SCML2: variants seen among roughly 807,000 people sequenced by gnomAD.
SCML2 encodes the protein Scm polycomb group protein like 2, also known as sex comb on midleg-like protein 2.
In SCML2, 6 loss-of-function variants were observed where a neutral mutation model predicts 48.4. That is an observed-to-expected ratio of 0.12 (90% CI 0.07 to 0.24). SCML2 has a LOEUF of 0.24. Among genes scored for constraint, SCML2 ranks in the 10% least tolerant of loss-of-function variants. The pLI, the probability that SCML2 is intolerant of heterozygous loss-of-function variation, is 1.00. For synonymous variants in SCML2, 181 were observed against 189.5 expected, an observed-to-expected ratio of 0.95 and a Z score of 0.37; for missense variants, 377 against 528.2, an observed-to-expected ratio of 0.71 and a Z score of 2.81.
chrX:18,315,991 A>C (rs1258668361), intron 6 of SCML2, among the ~76,000 whole-genome samples: 1 of 111,397 alleles, frequency 9.0e-6, no homozygotes, highest in South Asian at 3.8e-4. Context: ...AAACAGGACA[A>C]ATAAATAATT....
At chrX:18,323,143 T>C (rs1041517497) in intron 5 of SCML2, among the ~76,000 whole-genome samples, 1 of 111,656 alleles carries the variant, frequency 9.0e-6, no homozygotes, top group Non-Finnish European at 1.9e-5. Flanking sequence ...TGCCCACCAT[T>C]CACTCAAAGT....
At chrX:18,308,294 G>A (rs144575980) in intron 6 of SCML2, among the ~76,000 whole-genome samples, 2 of 88,078 alleles carry the variant, frequency 2.3e-5, no homozygotes, top group Admixed American at 1.4e-4. Context: ...AGGAAGGAAG[G>A]AAGGGAGGAA....
intron 4 of SCML2, 65 bp from the exon 5 acceptor site, chrX:18,324,158 T>C: frequency 2.9e-6 from 2 of 681,266 alleles, no homozygotes; most frequent in Non-Finnish European, 2.3e-6. Context: ...TGGACAGCTA[T>C]GTCACCAGAA....
chrX:18,268,729 G>A (rs1423908207), intron 7 of SCML2, among the ~76,000 whole-genome samples: 1 of 107,052 alleles, frequency 9.3e-6, no homozygotes, highest in Non-Finnish European at 1.9e-5. Context: ...TAACTAACCT[G>A]CACACTGTGC....
At position 18,239,585 on chromosome X, in the gene SCML2, T is replaced by C. The variant is rs1399818717; in HGVS notation, c.*1666A>G. The C allele has an allele frequency of 8.8e-6, 1 of 113,057 alleles. No individual in the cohort carries two copies. The highest frequency in any genetic ancestry group is 3.2e-5 in the African/African-American group (1 of 31,061). 9.3% of individuals were successfully genotyped at this position (113,057 alleles called of 1,213,427 possible). On this transcript the variant is annotated 3_prime_UTR_variant, in exon 15 of 15. Transcript: ENST00000251900. ...CCCTGGTGAATATTTTATTGGCATT[T>C]ACAACAAATGGCTAATACTTTTATA...
chrX:18,282,340 G>T (rs1239489802), intron 7 of SCML2, among the ~76,000 whole-genome samples: 3 of 108,427 alleles, frequency 2.8e-5, no homozygotes, highest in Non-Finnish European at 5.8e-5. Flanking sequence ...AGAATACTAT[G>T]GACAACTCTA....
intron 6 of SCML2, among the ~76,000 whole-genome samples, chrX:18,318,494 T>C (rs1052222241): frequency 8.9e-6 from 1 of 112,896 alleles, no homozygotes; most frequent in Non-Finnish European, 1.9e-5. Context: ...TAACATACTC[T>C]TCAACATTTT....
At chrX:18,245,800 C>T (rs945971963) in intron 13 of SCML2, among the ~76,000 whole-genome samples, 4 of 111,895 alleles carry the variant, frequency 3.6e-5, no homozygotes, top group African/African-American at 1.3e-4. Flanking sequence ...AATGCAATGG[C>T]GCAATCTCGG....
intron 1 of SCML2, among the ~76,000 whole-genome samples, chrX:18,349,271 A>G (rs1426037927): frequency 8.9e-6 from 1 of 112,369 alleles, no homozygotes; most frequent in East Asian, 2.8e-4. Flanking sequence ...GCAGAGCCAT[A>G]GCCATAAACA....
At chrX:18,244,755 C>T (rs1245278088) in intron 13 of SCML2, among the ~76,000 whole-genome samples, 3 of 110,010 alleles carry the variant, frequency 2.7e-5, no homozygotes, top group African/African-American at 6.6e-5. Flanking sequence ...CCCCCCCCCT[C>T]GACATCATTG....
chrX:18,316,289 T>G lies in SCML2; in HGVS notation c.486+4043A>C, dbSNP rs1252632090. Among the ~76,000 whole-genome samples, 3 of 111,753 alleles carry G rather than the reference T, an allele frequency of 2.7e-5. No homozygotes were observed. The East Asian group carries it at 8.5e-4, about 32-fold the overall frequency. ...CTGTAATCCCAGCTACTCGGGAGGC[T>G]GAGGCACAGGAATCAGTTGAACCCG... On this transcript the variant is annotated intron_variant, in intron 6 of 14. Coordinates refer to ENST00000251900, the MANE Select transcript of SCML2 (RefSeq NM_006089.3).
rs1928719129 is a variant in SCML2, at chrX:18,305,201, G to A, written c.501C>T (p.Pro167=). The change falls in exon 7 of 15, where the codon CCC becomes CCT. Residue 167 remains proline (P), a synonymous_variant. Coordinates refer to ENST00000251900, the MANE Select transcript of SCML2 (RefSeq NM_006089.3). The part of the protein sequence containing the change: ...ATLFKKEPPK[P]PLNNFKVGMK... The stretch of plus-strand genomic sequence containing the variant: ...TCCCCACTTTAAAATTATTTAGTGG[G>A]GGCTTTGGTGGTTCCTATCAAAACA... 8.4e-7 allele frequency: 1 copy of A among 1,192,050 alleles called. No homozygotes were observed. Among genetic ancestry groups the A allele is most frequent in the Non-Finnish European group, 1.1e-6 (1 of 888,661 alleles).
In SCML2 at chrX:18,242,525, T is replaced by C. The variant is rs1043920853; in HGVS notation, c.1888A>G (p.Thr630Ala). 8.3e-7 allele frequency: 1 copy of C among 1,206,119 alleles called. No individual in the cohort carries two copies. The highest frequency in any genetic ancestry group is 1.1e-6 in the Non-Finnish European group (1 of 893,325). The change falls in exon 14 of 15, where the codon ACC (threonine) becomes GCC (alanine). Residue 630 changes from threonine to alanine, a missense_variant. Physicochemically the swap from Thr to Ala is moderately conservative, Grantham distance 58. Transcript: ENST00000251900. ...TGTATCACTTCATCCACAGACCAGG[T>C]TGAAGGGTCCTTAGAGAAGCCTTGT... ...LKQGFSKDPS[T>A]WSVDEVIQFM...
At chrX:18,299,001 G>C (rs1316397746) in intron 7 of SCML2, among the ~76,000 whole-genome samples, 3 of 111,248 alleles carry the variant, frequency 2.7e-5, no homozygotes, top group East Asian at 2.8e-4. Context: ...AGATTTTATG[G>C]CTAAGACCTC....
At chrX:18,308,786 T>C (rs919163292) in intron 6 of SCML2, among the ~76,000 whole-genome samples, 1 of 111,732 alleles carries the variant, frequency 8.9e-6, no homozygotes, top group Non-Finnish European at 1.9e-5. Context: ...CTATTCACAA[T>C]AGCCAGATAT....
chrX:18,310,068 ATTATG>A (rs1241473399), intron 6 of SCML2, among the ~76,000 whole-genome samples: 1 of 111,726 alleles, frequency 9.0e-6, no homozygotes, highest in Admixed American at 9.6e-5. Context: ...ACTGGAGGTC[ATTATG>A]TTAAGTGAAA....
At chrX:18,343,718 G>A (rs1348136798) in intron 1 of SCML2, among the ~76,000 whole-genome samples, 1 of 97,100 alleles carries the variant, frequency 1.0e-5, no homozygotes, top group Admixed American at 1.2e-4. Context: ...CAGAGATGGC[G>A]CCACTGCAGT....
chrX:18,249,325 T>G (rs770379502), intron 11 of SCML2, among the ~76,000 whole-genome samples: 1 of 111,498 alleles, frequency 9.0e-6, no homozygotes, highest in East Asian at 2.8e-4. Context: ...AAACCAACAC[T>G]TCACAACTAC....
At chrX:18,308,179 G>A (rs1298921385) in intron 6 of SCML2, among the ~76,000 whole-genome samples, 2 of 105,468 alleles carry the variant, frequency 1.9e-5, no homozygotes, top group African/African-American at 6.9e-5. Flanking sequence ...GGATCTGCTT[G>A]AGCCTGGGAG....
Sources: allele counts gnomAD v4.1 joint callset (sites outside exome capture counted in the v4.1 genomes callset), GRCh38; gene constraint gnomAD v4.1.1; transcripts MANE v1.5; gene names NCBI Gene and HGNC (gene_info 2026-07-23, HGNC 2026-07-21).